ZNF221: variants seen among roughly 807,000 people sequenced by gnomAD.
The protein encoded by ZNF221 is zinc finger protein 221.
A neutral mutation model predicts 12.6 loss-of-function variants in ZNF221; 10 were observed. That is an observed-to-expected ratio of 0.79 (90% CI 0.49 to 1.34). The LOEUF is 1.34. ZNF221 is among the 40% of genes most tolerant of loss of function. The pLI is 0.00. For missense variants in ZNF221, 661 were observed against 721.4 expected, an observed-to-expected ratio of 0.92 and a Z score of 0.96; for synonymous variants, 232 against 244.0, an observed-to-expected ratio of 0.95 and a Z score of 0.46.
At chr19:43,968,114 A>C (rs1265264728), downstream of ZNF221, 4 of 152,348 alleles carry the variant, frequency 2.6e-5, no homozygotes, top group Non-Finnish European at 4.4e-5. Context: ...TTCATATCTC[A>C]TAGCTTATTA....
chr19:43,957,048 C>T (rs1214748322), intron 1 of ZNF221, among the ~76,000 whole-genome samples: 1 of 152,194 alleles, frequency 6.6e-6, no homozygotes, highest in Non-Finnish European at 1.5e-5. Flanking sequence ...TTATTTGATC[C>T]TTGTTTGAAC....
intron 2 of ZNF221, among the ~76,000 whole-genome samples, chr19:43,963,548 T>C (rs1974886364): frequency 6.6e-6 from 1 of 152,140 alleles, no homozygotes; most frequent in African/African-American, 2.4e-5. Context: ...TCTCTTCTTA[T>C]TCCTTTATGG....
At chr19:43,975,791 G>A in the ZNF221 span, among the ~76,000 whole-genome samples, 1 of 152,140 alleles carries the variant, frequency 6.6e-6, no homozygotes, top group African/African-American at 2.4e-5. Context: ...GGTACACTCA[G>A]CACTGCAATG....
At chr19:43,979,508 A>G in the ZNF221 span, among the ~76,000 whole-genome samples, 1 of 152,124 alleles carries the variant, frequency 6.6e-6, no homozygotes, top group East Asian at 1.9e-4. Flanking sequence ...ATTATGTGAG[A>G]TAATGTCAGT....
At chr19:43,956,137 A>G (rs943159448) in intron 1 of ZNF221, among the ~76,000 whole-genome samples, 2 of 152,212 alleles carry the variant, frequency 1.3e-5, no homozygotes, top group African/African-American at 2.4e-5. Context: ...GGCTTCTGTC[A>G]TAAGCCCCAG....
intron 4 of ZNF221, among the ~76,000 whole-genome samples, chr19:43,965,556 C>T (rs453932): frequency 0.18 from 27,358 of 152,066 alleles, 2,937 homozygotes; most frequent in East Asian, 0.3. Context: ...GAATTAGTAA[C>T]GGGTTAAGTG....
Position 43,966,007 on chromosome 19 carries a change from C to T in ZNF221, c.505C>T (p.Pro169Ser). 1 of 1,614,214 alleles carries T rather than the reference C, an allele frequency of 6.2e-7. No individual in the cohort carries two copies. Among genetic ancestry groups the T allele is most frequent in the Non-Finnish European group, 8.5e-7 (1 of 1,180,024 alleles). Residue 169 changes from proline to serine, a missense_variant, in exon 5 of 5, where the codon CCT becomes TCT. Physicochemically the swap from Pro to Ser is moderately conservative, Grantham distance 74. Transcript: ENST00000587682. ...ATCTATAAGTCACGTGCAACAGAAA[C>T]CTTACCGTTGTAATGAATGTAAACA... ...RLSISHVQQKPYRCNECKQSF... is the reference protein window; with the variant it reads ...RLSISHVQQKSYRCNECKQSF...
the ZNF221 span, chr19:43,977,059 AAAGAG>A: frequency 1.3e-5 from 2 of 152,214 alleles, no homozygotes; most frequent in African/African-American, 4.8e-5. Flanking sequence ...TGTACAATAA[AAAGAG>A]AAGAGCATAA....
intron 1 of ZNF221, among the ~76,000 whole-genome samples, chr19:43,954,537 G>A (rs750223574): frequency 4.6e-5 from 7 of 152,168 alleles, no homozygotes; most frequent in Non-Finnish European, 1.0e-4. Flanking sequence ...TTACTTAGGT[G>A]CAGAATAGTG....
the ZNF221 span, among the ~76,000 whole-genome samples, chr19:43,979,955 T>C: frequency 4.9e-4 from 75 of 152,318 alleles, no homozygotes; most frequent in African/African-American, 1.8e-3. Flanking sequence ...GCCAAATATA[T>C]TGGATAATCC....
chr19:43,968,820 A>G (rs1258735328), downstream of ZNF221, among the ~76,000 whole-genome samples: 1 of 152,176 alleles, frequency 6.6e-6, no homozygotes, highest in African/African-American at 2.4e-5. Context: ...GCAGTGAGTG[A>G]TTGTGCGACC....
At chr19:43,974,696 A>G in the ZNF221 span, among the ~76,000 whole-genome samples, 1 of 146,896 alleles carries the variant, frequency 6.8e-6, no homozygotes. Context: ...ATACTGTCTC[A>G]CATCAGTCAC....
In ZNF221 at chr19:43,966,240, A is replaced by G; in HGVS notation, c.738A>G (p.Arg246=). Residue 246 remains arginine, a synonymous_variant, in exon 5 of 5, where the codon AGA becomes AGG. Coordinates refer to ENST00000587682, the MANE Select transcript of ZNF221 (RefSeq NM_001297588.2). ...NQSSHLQTHQ[R]VHTGEKPFKC... ...GCTCACATCTGCAAACTCATCAGAG[A>G]GTCCATACTGGAGAGAAACCATTCA... 3 of 1,614,246 alleles carry G rather than the reference A, an allele frequency of 1.9e-6. No individual in the cohort carries two copies. The highest frequency in any genetic ancestry group is 1.7e-6 in the Non-Finnish European group (2 of 1,180,040).
chr19:43,971,721 CAT>C (rs895399938), downstream of ZNF221, among the ~76,000 whole-genome samples: 1 of 151,684 alleles, frequency 6.6e-6, no homozygotes, highest in African/African-American at 2.4e-5. Context: ...CTATTCTAAA[CAT>C]ATATACGCAC....
chr19:43,961,402 T>C (rs930062743), intron 1 of ZNF221, among the ~76,000 whole-genome samples: 4 of 152,208 alleles, frequency 2.6e-5, no homozygotes, highest in Non-Finnish European at 5.9e-5. Context: ...AAGGTGATCA[T>C]GGAGTGTCTT....
chr19:43,967,680 G>A lies in ZNF221; in HGVS notation c.*324G>A, dbSNP rs544806160. ...TTTTTAGTAGAGACGGGGTTTCACC[G>A]TGTTAGCCAGGATGGTCTCGATCTC... On this transcript the variant is annotated 3_prime_UTR_variant, in exon 5 of 5. Transcript: ENST00000587682. The A allele has an allele frequency of 3.6e-3, 827 of 229,312 alleles. 2 individuals carry two copies. The highest frequency in any genetic ancestry group is 8.5e-3 in the Middle Eastern group (5 of 588). 14.2% of individuals were successfully genotyped at this position (229,312 alleles called of 1,614,324 possible).
intron 1 of ZNF221, among the ~76,000 whole-genome samples, chr19:43,957,962 T>C (rs1974782164): frequency 6.6e-6 from 1 of 152,228 alleles, no homozygotes; most frequent in Admixed American, 6.5e-5. Context: ...GGCTTATAAA[T>C]GTTTACTGTA....
chr19:43,970,542 C>T (rs1330381805), downstream of ZNF221, among the ~76,000 whole-genome samples: 1 of 152,078 alleles, frequency 6.6e-6, no homozygotes, highest in Non-Finnish European at 1.5e-5. Flanking sequence ...GAGCTGATGA[C>T]CAGAATAGCC....
chr19:43,961,623 AG>A (rs750652475), intron 1 of ZNF221, among the ~76,000 whole-genome samples: 261 of 152,286 alleles, frequency 1.7e-3, no homozygotes, highest in South Asian at 5.0e-3. Flanking sequence ...TGCTTTTTAA[AG>A]TTCTTGTAAC....
Sources: allele counts gnomAD v4.1 joint callset (sites outside exome capture counted in the v4.1 genomes callset), GRCh38; gene constraint gnomAD v4.1.1; transcripts MANE v1.5; gene names NCBI Gene and HGNC (gene_info 2026-07-23, HGNC 2026-07-21).